DBF4: variants seen among roughly 807,000 people sequenced by gnomAD.
The protein encoded by DBF4 is protein DBF4 homolog A.
DBF4 carries 25 observed loss-of-function variants against 76.6 expected under a neutral mutation model. The ratio of observed to expected loss-of-function variants is 0.33; its 90% CI spans 0.24 to 0.46. The LOEUF (loss-of-function observed/expected upper bound fraction) is 0.46, where lower values mean the gene tolerates loss of function less well. Ranked by LOEUF, DBF4 falls within the 20% of genes least tolerant of loss-of-function variation. The pLI, the probability that DBF4 is intolerant of heterozygous loss-of-function variation, is 1.00. For missense variants in DBF4, 638 were observed against 760.8 expected (o/e 0.84, Z 1.90); for synonymous variants, 213 against 258.0 (o/e 0.83, Z 1.67).
chr7:87,897,225 G>A lies in DBF4; in HGVS notation c.635-69G>A, dbSNP rs548760911. 4.0e-5 allele frequency: 57 copies of A among 1,417,824 alleles called. No individual in the cohort carries two copies. The East Asian group carries it at 1.3e-3, about 33-fold the overall frequency. The allele number at this position is 1,417,824 out of a possible 1,614,324, so 87.8% of individuals were successfully genotyped here. A position where few individuals can be genotyped will look rare whatever the true frequency, so the allele number is the denominator to read the frequency against. On this transcript the variant is annotated intron_variant, in intron 7 of 11. Transcript: ENST00000265728. ...GTTTGGAGGGTTTTGTTTTGCCACA[G>A]TAGTTTTATTAAAAAAAAAAAAGAA...
At chr7:87,900,384 C>A in intron 9 of DBF4, 35 bp downstream of exon 9, 1 of 1,560,602 alleles carries the variant, frequency 6.4e-7, no homozygotes, top group South Asian at 1.2e-5. Context: ...AAGGAATATT[C>A]AGAATTTCAT....
chr7:87,897,157 C>A, intron 7 of DBF4, 137 bp from the exon 8 acceptor site: 2 of 681,282 alleles, frequency 2.9e-6, no homozygotes, highest in East Asian at 2.7e-5. Flanking sequence ...ATGGAAGTAC[C>A]TCATCTGAGG....
intron 8 of DBF4, among the ~76,000 whole-genome samples, chr7:87,899,388 A>G (rs1358330974): frequency 2.0e-5 from 3 of 152,214 alleles, no homozygotes; most frequent in African/African-American, 4.8e-5. Context: ...GTTAATATCC[A>G]GAATATATTA....
chr7:87,895,949 T>C lies in DBF4; in HGVS notation c.598-525T>C, dbSNP rs201355846. 2.0e-5 allele frequency among the ~76,000 whole-genome samples: 3 copies of C among 152,358 alleles called. No individual in the cohort carries two copies. The East Asian group carries it at 5.8e-4, about 29-fold the overall frequency. On this transcript the variant is annotated intron_variant, in intron 6 of 11. Transcript: ENST00000265728. ...AGATAGGAGTTTTAGCTGCTGGCTC[T>C]GCCACTGCTGCTAACTCCATGACTG...
chr7:87,888,438 A>C (rs972882189), intron 6 of DBF4: 1 of 595,336 alleles, frequency 1.7e-6, no homozygotes, highest in African/African-American at 2.1e-5. Context: ...ATGGTATAAC[A>C]AAATCTCGTT....
intron 10 of DBF4, among the ~76,000 whole-genome samples, 172 bp downstream of exon 10, chr7:87,901,050 G>A (rs1187520412): frequency 6.6e-6 from 1 of 152,042 alleles, no homozygotes; most frequent in Non-Finnish European, 1.5e-5. Flanking sequence ...ACTACATACT[G>A]ATCACTACTC....
At chr7:87,891,452 C>T (rs1289416970) in intron 6 of DBF4, among the ~76,000 whole-genome samples, 1 of 151,962 alleles carries the variant, frequency 6.6e-6, no homozygotes, top group Non-Finnish European at 1.5e-5. Flanking sequence ...ACTATGAATT[C>T]AATTTATTCA....
intron 6 of DBF4, among the ~76,000 whole-genome samples, chr7:87,895,777 A>C (rs1278452596): frequency 6.6e-6 from 1 of 151,218 alleles, no homozygotes; most frequent in Non-Finnish European, 1.5e-5. Context: ...TCTCAATGTT[A>C]GCTTAAGCTT....
Position 87,908,065 on chromosome 7 carries a change from A to G in DBF4, c.1927A>G (p.Ile643Val), listed in dbSNP as rs148580432. 1.9e-4 allele frequency: 308 copies of G among 1,613,608 alleles called. 2 individuals are homozygous for G. The Middle Eastern group carries it at 2.5e-3, about 13-fold the overall frequency. ...GFTSYTEKSG[I>V]CNVLDIWEEE... ...CACAAGCTACACAGAAAAGAGTGGT[A>G]TATGCAATGTTTTAGATATTTGGGA... Residue 643 changes from isoleucine (I) to valine (V), a missense_variant, in exon 12 of 12, where the codon ATA becomes GTA. By Grantham distance (29) the Ile-to-Val change is conservative (BLOSUM62 3). Coordinates refer to ENST00000265728, the MANE Select transcript of DBF4 (RefSeq NM_006716.4).
chr7:87,889,994 A>G (rs1839446072), intron 6 of DBF4, among the ~76,000 whole-genome samples: 1 of 152,200 alleles, frequency 6.6e-6, no homozygotes, highest in Admixed American at 6.5e-5. Context: ...GATTGTTTGG[A>G]TTGTATATAG....
intron 2 of DBF4, among the ~76,000 whole-genome samples, chr7:87,884,360 C>T (rs1325469963): frequency 6.6e-6 from 1 of 152,170 alleles, no homozygotes. Context: ...GACCCCATCT[C>T]TTAAGAAACA....
chr7:87,884,836 C>T (rs1839304343), intron 2 of DBF4, 143 bp from the exon 3 acceptor site: 7 of 571,868 alleles, frequency 1.2e-5, no homozygotes, highest in Non-Finnish European at 2.1e-5. Context: ...GTTCAGAAGG[C>T]CAAGGCGGGA....
chr7:87,896,574 A>G, intron 7 of DBF4, 64 bp downstream of exon 7: 2 of 1,394,716 alleles, frequency 1.4e-6, no homozygotes, highest in African/African-American at 2.8e-5. Context: ...AAGATCTTCT[A>G]AAATCATATA....
Position 87,879,247 on chromosome 7 carries a change from G to A in DBF4, c.219+1022G>A, listed in dbSNP as rs189196626. Among the ~76,000 whole-genome samples the A allele has an allele frequency of 4.6e-5, 7 of 152,268 alleles. No homozygotes were observed. In the East Asian group the frequency reaches 1.3e-3, roughly 29 times the overall value. On this transcript the variant is annotated intron_variant, in intron 2 of 11. Coordinates refer to ENST00000265728, the MANE Select transcript of DBF4 (RefSeq NM_006716.4). ...TGCAAGCATGAGCCCTCCAGGCCCAGCCGATTCCCAGACTAGAAACTTATC... is the reference window on the plus strand; with the variant it reads ...TGCAAGCATGAGCCCTCCAGGCCCAACCGATTCCCAGACTAGAAACTTATC...
intron 9 of DBF4, 116 bp downstream of exon 9, chr7:87,900,465 C>G: frequency 8.3e-7 from 1 of 1,207,720 alleles, no homozygotes. Context: ...TTTGTAATTA[C>G]TATTCTGATT....
intron 10 of DBF4, 129 bp from the exon 11 acceptor site, chr7:87,904,163 G>A: frequency 1.2e-6 from 1 of 868,810 alleles, no homozygotes; most frequent in Non-Finnish European, 1.7e-6. Context: ...CTAGTAAAGG[G>A]TATTATCTTT....
intron 11 of DBF4, among the ~76,000 whole-genome samples, chr7:87,905,138 G>A (rs1260166973): frequency 6.6e-6 from 1 of 152,130 alleles, no homozygotes; most frequent in African/African-American, 2.4e-5. Context: ...TCTTGACACT[G>A]TAGTTTAGAA....
Position 87,900,266 on chromosome 7 carries a change from A to G in DBF4, c.726A>G (p.Ile242Met). ...TTCAGCTGACCAATATGCCTTTTAT[A>G]AATTATTCTATTCAGAAGCCCTGCA... Reference protein sequence around the residue: ...FYLQLTNMPFINYSIQKPCSP... With the variant: ...FYLQLTNMPFMNYSIQKPCSP... Residue 242 changes from isoleucine (I) to methionine (M), a missense_variant, in exon 9 of 12, where the codon ATA becomes ATG. By Grantham distance (10) the Ile-to-Met change is conservative. Transcript: ENST00000265728. 6.2e-7 allele frequency: 1 copy of G among 1,604,774 alleles called. No individual in the cohort carries two copies. The highest frequency in any genetic ancestry group is 2.2e-5 in the East Asian group (1 of 44,562).
At chr7:87,900,962 GAT>G in intron 10 of DBF4, 84 bp downstream of exon 10, 1 of 1,139,274 alleles carries the variant, frequency 8.8e-7, no homozygotes. Flanking sequence ...TTCTGATGCA[GAT>G]ATTTTACATT....
Sources: gnomAD v4.1 joint callset for allele counts (sites outside exome capture counted in the v4.1 genomes callset) on GRCh38, gnomAD v4.1.1 for gene constraint, MANE v1.5 for transcripts, NCBI Gene and HGNC (gene_info 2026-07-23, HGNC 2026-07-21) for gene names.